Variants in SLAIN1 observed in about 807,000 individuals in gnomAD.
SLAIN1 encodes the protein SLAIN motif-containing protein 1.
A neutral mutation model predicts 55.4 loss-of-function variants in SLAIN1; 17 were observed. The ratio of observed to expected loss-of-function variants is 0.31; its 90% CI spans 0.21 to 0.46. SLAIN1 has a LOEUF of 0.46. Ranked by LOEUF, SLAIN1 falls within the 20% of genes least tolerant of loss-of-function variation. The pLI is 1.00. For missense variants in SLAIN1, 682 were observed against 785.1 expected (o/e 0.87, Z 1.57); for synonymous variants, 348 against 337.4 (o/e 1.03, Z -0.35).
chr13:77,744,996 G>C (rs1301839776), intron 3 of SLAIN1, among the ~76,000 whole-genome samples: 1 of 152,044 alleles, frequency 6.6e-6, no homozygotes, highest in Non-Finnish European at 1.5e-5. Flanking sequence ...AGTGCATACT[G>C]TATAATTCCA....
intron 1 of SLAIN1, among the ~76,000 whole-genome samples, chr13:77,709,928 G>T (rs2091130264): frequency 6.6e-6 from 1 of 152,032 alleles, no homozygotes; most frequent in Non-Finnish European, 1.5e-5. Context: ...CCACTACCAG[G>T]CCTGGGTAAT....
chr13:77,734,627 G>A lies in SLAIN1; in HGVS notation c.767-9656G>A, dbSNP rs1873027767. ...GTAAGAAGCCGGCCCATTGTTTTGA[G>A]AAGACTAGGTTACACTTCTTTAGAA... On this transcript the variant is annotated intron_variant, in intron 2 of 6. Transcript: ENST00000418532. 1.3e-5 allele frequency among the ~76,000 whole-genome samples: 2 copies of A among 152,128 alleles called. 1 individual carries two copies. The highest frequency in any genetic ancestry group is 4.1e-4 in the South Asian group (2 of 4,826).
At chr13:77,745,613 C>T (rs1182589105) in intron 3 of SLAIN1, among the ~76,000 whole-genome samples, 1 of 152,032 alleles carries the variant, frequency 6.6e-6, no homozygotes, top group Admixed American at 6.6e-5. Flanking sequence ...ATCTTTTCCA[C>T]CAACATAAGT....
Position 77,698,317 on chromosome 13 carries a change from T to G in SLAIN1, c.404T>G (p.Leu135Arg). The change falls in exon 1 of 7, where the codon CTG becomes CGG. Residue 135 changes from leucine to arginine, a missense_variant. Around this residue, in one of 3 missense-constraint regions of SLAIN1, gnomAD observed 401 missense variants for 417.3 expected, o/e 0.96. Transcript: ENST00000418532. This position sits in a 1 kb window ranked among gnomAD's most constrained non-coding sequence, Gnocchi z 4.1. ...TGCCTGCCTAGCCCCGCGCCCTCCC[T>G]GCTTTGCAGCCTGGCGCAGCCACCC... is the stretch of plus-strand genomic sequence containing the variant. The part of the protein sequence containing the change: ...TFCLPSPAPS[L>R]LCSLAQPPEA... The G allele has an allele frequency of 6.9e-7, 1 of 1,446,348 alleles. No homozygotes were observed. The highest frequency in any genetic ancestry group is 9.1e-7 in the Non-Finnish European group (1 of 1,101,462). 89.6% of individuals were successfully genotyped at this position (1,446,348 alleles called of 1,614,324 possible).
intron 1 of SLAIN1, among the ~76,000 whole-genome samples, chr13:77,708,775 C>A (rs2091115773): frequency 1.3e-5 from 2 of 152,130 alleles, no homozygotes; most frequent in South Asian, 4.2e-4. Context: ...ACATCAAAGA[C>A]CAAAGGTAGA....
At chr13:77,748,916 A>C (rs955550625) in intron 4 of SLAIN1, among the ~76,000 whole-genome samples, 7 of 152,152 alleles carry the variant, frequency 4.6e-5, no homozygotes, top group Non-Finnish European at 8.8e-5. Context: ...TTCTCCACCT[A>C]AATATATTAT....
intron 3 of SLAIN1, among the ~76,000 whole-genome samples, chr13:77,745,488 G>C (rs61963714): frequency 0.085 from 12,949 of 151,978 alleles, 717 homozygotes; most frequent in East Asian, 0.12. Context: ...AGTAGAAATA[G>C]GATAGTTTTT....
chr13:77,739,995 C>T (rs902356955), intron 2 of SLAIN1, among the ~76,000 whole-genome samples: 1 of 151,854 alleles, frequency 6.6e-6, no homozygotes, highest in African/African-American at 2.4e-5. Flanking sequence ...AGTACTTTAT[C>T]ACATTCATTC....
rs117335241 is a variant in SLAIN1 at position 77,733,121 on chromosome 13, C to T, written c.767-11162C>T. 1.7e-3 allele frequency among the ~76,000 whole-genome samples: 254 copies of T among 152,162 alleles called. 1 individual carries two copies. The highest frequency in any genetic ancestry group is 2.4e-3 in the Non-Finnish European group (161 of 67,994). On this transcript the variant is annotated intron_variant, in intron 2 of 6. Coordinates refer to ENST00000418532, the MANE Select transcript of SLAIN1 (RefSeq NM_001242868.2). ...AGAATAATTATAAAACTCTGATTTC[C>T]GTGGAATAAATGTTATTCAGTAGTA... is the stretch of plus-strand genomic sequence containing the variant.
intron 1 of SLAIN1, among the ~76,000 whole-genome samples, chr13:77,701,190 T>C (rs1463597885): frequency 6.6e-6 from 1 of 152,144 alleles, no homozygotes; most frequent in Non-Finnish European, 1.5e-5. Flanking sequence ...TTCATCCTAA[T>C]GGGTTGAACA....
At chr13:77,728,358 G>T (rs2091327086) in intron 2 of SLAIN1, among the ~76,000 whole-genome samples, 1 of 152,184 alleles carries the variant, frequency 6.6e-6, no homozygotes, top group South Asian at 2.1e-4. Flanking sequence ...CGCCCAAAAT[G>T]TGGCTCAGTT....
intron 2 of SLAIN1, among the ~76,000 whole-genome samples, chr13:77,732,657 G>A (rs1336235952): frequency 1.3e-5 from 2 of 151,962 alleles, no homozygotes; most frequent in Admixed American, 1.3e-4. Flanking sequence ...CCTTTGAAGT[G>A]TAATTACTAC....
chr13:77,758,960 A>T, intron 5 of SLAIN1, among the ~76,000 whole-genome samples: 1 of 151,986 alleles, frequency 6.6e-6, no homozygotes. Flanking sequence ...TGTTTTTTCT[A>T]GTTCTGTGAA....
intron 2 of SLAIN1, among the ~76,000 whole-genome samples, chr13:77,730,753 G>A (rs1028781330): frequency 2.6e-5 from 4 of 152,020 alleles, no homozygotes; most frequent in Non-Finnish European, 4.4e-5. Flanking sequence ...TGCTGTCATC[G>A]GGTGTGTCCT....
intron 2 of SLAIN1, among the ~76,000 whole-genome samples, chr13:77,736,261 A>G (rs1325138512): frequency 6.6e-6 from 1 of 152,028 alleles, no homozygotes; most frequent in African/African-American, 2.4e-5. Flanking sequence ...TGTAACTTAC[A>G]GATTAAAAAG....
chr13:77,741,637 G>T (rs1022987525), intron 2 of SLAIN1: 3 of 154,346 alleles, frequency 1.9e-5, no homozygotes, highest in Non-Finnish European at 2.7e-5. Context: ...TGATTCTGAA[G>T]TAAAAGGAAT....
chr13:77,757,972 TG>T (rs1315920115), intron 5 of SLAIN1, among the ~76,000 whole-genome samples: 1 of 152,178 alleles, frequency 6.6e-6, no homozygotes, highest in Non-Finnish European at 1.5e-5. Flanking sequence ...CTGGATCAAA[TG>T]GTAATTCTAC....
chr13:77,725,801 G>T lies in SLAIN1; in HGVS notation c.766+6130G>T, dbSNP rs540897390. ...GCAAGTTAGCCACGGTGGTAAGTTAGCCGTCCCTCCTTGTTTATGGAGTAA... is the reference window on the plus strand; with the variant it reads ...GCAAGTTAGCCACGGTGGTAAGTTATCCGTCCCTCCTTGTTTATGGAGTAA... On this transcript the variant is annotated intron_variant, in intron 2 of 6. Coordinates refer to ENST00000418532, the MANE Select transcript of SLAIN1 (RefSeq NM_001242868.2). Among the ~76,000 whole-genome samples the T allele has an allele frequency of 1.1e-4, 17 of 152,188 alleles. No homozygotes were observed. The South Asian group carries it at 3.5e-3, about 32-fold the overall frequency.
chr13:77,760,771 T>G, intron 5 of SLAIN1, 57 bp from the exon 6 acceptor site: 1 of 1,572,090 alleles, frequency 6.4e-7, no homozygotes, highest in Non-Finnish European at 8.7e-7. Flanking sequence ...TAACACACAT[T>G]TCCTAAGTCG....
Sources: allele counts gnomAD v4.1 joint callset (sites outside exome capture counted in the v4.1 genomes callset), GRCh38; gene constraint gnomAD v4.1.1; regional missense constraint gnomAD v4.1.1; non-coding constraint Gnocchi (gnomAD v3.1); transcripts MANE v1.5; gene names NCBI Gene and HGNC (gene_info 2026-07-23, HGNC 2026-07-21).